Variants in HNRNPC observed in about 807,000 individuals in gnomAD.
HNRNPC encodes the protein heterogeneous nuclear ribonucleoproteins C1/C2.
A neutral mutation model predicts 33.2 loss-of-function variants in HNRNPC; 3 were observed. That is an observed-to-expected ratio of 0.09 (90% CI 0.04 to 0.23). HNRNPC has a LOEUF of 0.23. Among genes scored for constraint, HNRNPC ranks in the 10% least tolerant of loss-of-function variants. HNRNPC has a pLI of 1.00. For missense variants in HNRNPC, 143 were observed against 366.7 expected, an observed-to-expected ratio of 0.39 and a Z score of 4.98; for synonymous variants, 121 against 126.7, an observed-to-expected ratio of 0.96 and a Z score of 0.30.
chr14:21,235,652 C>T (rs563321879), intron 2 of HNRNPC, among the ~76,000 whole-genome samples: 8 of 152,086 alleles, frequency 5.3e-5, no homozygotes, highest in Non-Finnish European at 1.0e-4. Flanking sequence ...AGCCTTTCAG[C>T]TATTAAGTAT....
At chr14:21,231,287 C>A (rs1382452255) in intron 3 of HNRNPC, 6 of 657,412 alleles carry the variant, frequency 9.1e-6, no homozygotes, top group Admixed American at 8.2e-5. Context: ...GCGGGCACCA[C>A]CATGCCCAGC....
chr14:21,230,315 A>G lies in HNRNPC; in HGVS notation c.365+4T>C. The stretch of plus-strand genomic sequence containing the variant: ...TAGCAGAAATACAAAACATTTTAAC[A>G]TACCTATCATAATAGTCCCGTTGAA... On this transcript the variant is annotated splice_donor_region_variant and intron_variant, in intron 5 of 8. Coordinates refer to ENST00000553300, the MANE Select transcript of HNRNPC (RefSeq NM_004500.4). The G allele has an allele frequency of 6.3e-7, 1 of 1,597,204 alleles. No homozygotes were observed. The highest frequency in any genetic ancestry group is 8.6e-7 in the Non-Finnish European group (1 of 1,165,582).
At chr14:21,258,140 C>A (rs1420256599) in intron 2 of HNRNPC, among the ~76,000 whole-genome samples, 1 of 152,146 alleles carries the variant, frequency 6.6e-6, no homozygotes, top group Non-Finnish European at 1.5e-5. Context: ...CGCCTGTAAT[C>A]CCAGCACTTT....
intron 2 of HNRNPC, among the ~76,000 whole-genome samples, chr14:21,241,451 C>T (rs1194952939): frequency 2.0e-5 from 3 of 152,130 alleles, no homozygotes; most frequent in Non-Finnish European, 4.4e-5. Context: ...AAAAGGTTTA[C>T]TAAATTTTCT....
chr14:21,243,409 A>G (rs1468523437), intron 2 of HNRNPC, among the ~76,000 whole-genome samples: 15 of 152,210 alleles, frequency 9.9e-5, no homozygotes, highest in Non-Finnish European at 2.2e-4. Flanking sequence ...GGGCTTACAC[A>G]GGAATGGTTT....
chr14:21,212,562 G>C (rs1228964291), intron 6 of HNRNPC, among the ~76,000 whole-genome samples: 3 of 146,600 alleles, frequency 2.0e-5, no homozygotes, highest in Admixed American at 2.0e-4. Context: ...TTTTTTTCTT[G>C]AGATGGAGTT....
At position 21,211,394 on chromosome 14, in the gene HNRNPC, C is replaced by T. The variant is rs1306549155; in HGVS notation, c.798+12G>A. 2 of 1,596,130 alleles carry T rather than the reference C, an allele frequency of 1.3e-6. No individual in the cohort carries two copies. Among genetic ancestry groups the T allele is most frequent in the Non-Finnish European group, 1.7e-6 (2 of 1,170,684 alleles). On this transcript the variant is annotated intron_variant, in intron 8 of 8. Transcript: ENST00000553300. ...TCCACCACCTTTTTCTTTCCTTTCC[C>T]GTGGTTTTCACCTGGTCATCCCCCC...
chr14:21,248,834 T>C (rs1291188335), intron 2 of HNRNPC, among the ~76,000 whole-genome samples: 1 of 152,234 alleles, frequency 6.6e-6, no homozygotes, highest in Non-Finnish European at 1.5e-5. Context: ...CTGCGTGTTT[T>C]TTGACTCAGT....
intron 5 of HNRNPC, among the ~76,000 whole-genome samples, chr14:21,215,228 C>A (rs1892028660): frequency 6.6e-6 from 1 of 152,176 alleles, no homozygotes; most frequent in Non-Finnish European, 1.5e-5. Context: ...CTCTCATTCA[C>A]ATCTGAGGAA....
intron 5 of HNRNPC, among the ~76,000 whole-genome samples, chr14:21,216,241 A>AT (rs1240607447): frequency 6.6e-6 from 1 of 152,198 alleles, no homozygotes; most frequent in Non-Finnish European, 1.5e-5. Flanking sequence ...AATTCTGACC[A>AT]TAAGACATTA....
intron 2 of HNRNPC, among the ~76,000 whole-genome samples, chr14:21,242,566 G>C (rs1007453477): frequency 7.9e-5 from 12 of 152,176 alleles, no homozygotes; most frequent in African/African-American, 2.9e-4. Flanking sequence ...GAGTACTGTC[G>C]ATGTATGCTA....
At chr14:21,247,546 G>C (rs943533020) in intron 2 of HNRNPC, among the ~76,000 whole-genome samples, 4 of 152,086 alleles carry the variant, frequency 2.6e-5, no homozygotes, top group African/African-American at 9.7e-5. Context: ...ACCCCGAAAA[G>C]TTACACTCTG....
At chr14:21,227,658 G>T (rs1272732078) in intron 5 of HNRNPC, among the ~76,000 whole-genome samples, 3 of 152,170 alleles carry the variant, frequency 2.0e-5, no homozygotes, top group Admixed American at 6.5e-5. Context: ...GATTTCTTTA[G>T]ATTTCTCTGC....
intron 2 of HNRNPC, among the ~76,000 whole-genome samples, chr14:21,257,714 G>C (rs932250943): frequency 3.9e-5 from 6 of 152,060 alleles, no homozygotes; most frequent in African/African-American, 1.4e-4. Flanking sequence ...GCCTCCCAGG[G>C]AGCTACACTA....
intron 2 of HNRNPC, among the ~76,000 whole-genome samples, chr14:21,243,423 CTATG>C (rs1895596238): frequency 5.3e-5 from 8 of 152,058 alleles, no homozygotes; most frequent in Admixed American, 5.2e-4. Flanking sequence ...ATGGTTTATT[CTATG>C]TATGTATATA....
In HNRNPC at chr14:21,234,092, C is replaced by T. The variant is rs139624211; in HGVS notation, c.102G>A (p.Glu34=). The part of the protein sequence containing the change: ...NTLVVKKSDV[E]AIFSKYGKIV... ...TTTTGCCATACTTCGAAAAGATTGC[C>T]TCCACATCAGATTTCTTGACCACAA... The change falls in exon 3 of 9, where the codon GAG becomes GAA. Residue 34 remains glutamate (E), a synonymous_variant. Transcript: ENST00000553300. 2,343 of 1,613,916 alleles carry T rather than the reference C, an allele frequency of 1.5e-3. 25 individuals carry two copies. The African/African-American group carries it at 0.023, about 16-fold the overall frequency.
At position 21,245,604 on chromosome 14, in the gene HNRNPC, T is replaced by A. The variant is rs564344521; in HGVS notation, c.-36-11375A>T. Among the ~76,000 whole-genome samples, 15 of 152,198 alleles carry A rather than the reference T, an allele frequency of 9.9e-5. No homozygotes were observed. The East Asian group carries it at 2.9e-3, about 29-fold the overall frequency. ...TTTGGTGACTGTACTGAGTGAGTGGTGGGTTTGAAGCCCTAAGACATTACC... is the reference window on the plus strand; with the variant it reads ...TTTGGTGACTGTACTGAGTGAGTGGAGGGTTTGAAGCCCTAAGACATTACC... On this transcript the variant is annotated intron_variant, in intron 2 of 8. Transcript: ENST00000553300.
At chr14:21,219,041 C>A (rs563309831) in intron 5 of HNRNPC, among the ~76,000 whole-genome samples, 1 of 144,398 alleles carries the variant, frequency 6.9e-6, no homozygotes, top group South Asian at 2.1e-4. Context: ...ACCCAGGAAG[C>A]AGAGGTTGCA....
In HNRNPC at chr14:21,209,488, T is replaced by A. The variant is rs550220626; in HGVS notation, c.*1735A>T. ...TTACTTACTAAAAGTCTGTGTAACA[T>A]GAGCTCACATCAGATTAGAAAACAT... On this transcript the variant is annotated 3_prime_UTR_variant, in exon 9 of 9. Coordinates refer to ENST00000553300, the MANE Select transcript of HNRNPC (RefSeq NM_004500.4). 1 of 152,206 alleles carries A rather than the reference T, an allele frequency of 6.6e-6. No homozygotes were observed. The highest frequency in any genetic ancestry group is 2.4e-5 in the African/African-American group (1 of 41,456). The allele number at this position is 152,206 out of a possible 1,614,324, so 9.4% of individuals were successfully genotyped here.
Sources: allele counts gnomAD v4.1 joint callset (sites outside exome capture counted in the v4.1 genomes callset), GRCh38; gene constraint gnomAD v4.1.1; transcripts MANE v1.5; gene names NCBI Gene and HGNC (gene_info 2026-07-23, HGNC 2026-07-21).